Variants in THSD7B observed in about 807,000 individuals in gnomAD.
The protein encoded by THSD7B is thrombospondin type-1 domain-containing protein 7B.
Under a neutral mutation model 213.6 loss-of-function variants are expected in THSD7B, and 138 were observed. That is an observed-to-expected ratio of 0.65 (90% CI 0.56 to 0.74). THSD7B has a LOEUF of 0.74. THSD7B is among the 30% of genes least tolerant of loss of function. The probability of loss-of-function intolerance (pLI) is 0.00; values close to 1 mark genes in which losing one functional copy is unlikely to be tolerated. For synonymous variants in THSD7B, 742 were observed against 687.0 expected, an observed-to-expected ratio of 1.08 and a Z score of -1.25; for missense variants, 1,931 against 1,991.5, an observed-to-expected ratio of 0.97 and a Z score of 0.58.
intron 12 of THSD7B, among the ~76,000 whole-genome samples, chr2:137,300,206 C>T (rs995992806): frequency 3.3e-5 from 5 of 152,152 alleles, no homozygotes; most frequent in African/African-American, 1.2e-4. Flanking sequence ...TTCCTACTTA[C>T]CCTTGCCCTC....
intron 1 of THSD7B, among the ~76,000 whole-genome samples, chr2:136,825,899 A>G (rs1185694048): frequency 4.0e-5 from 6 of 151,762 alleles, no homozygotes; most frequent in African/African-American, 1.5e-4. Flanking sequence ...GGCCCACCTT[A>G]ATGATTATTA....
chr2:137,125,290 T>A (rs547518520), intron 5 of THSD7B, among the ~76,000 whole-genome samples: 1 of 152,320 alleles, frequency 6.6e-6, no homozygotes, highest in African/African-American at 2.4e-5. Flanking sequence ...TTGGAGTCAA[T>A]CCTCTCAAAC....
chr2:137,477,692 A>G (rs976606985), intron 15 of THSD7B, among the ~76,000 whole-genome samples: 2 of 151,988 alleles, frequency 1.3e-5, no homozygotes, highest in Non-Finnish European at 2.9e-5. Context: ...TGTATTCGCT[A>G]CACAATACAC....
chr2:136,807,566 G>T (rs761684729), intron 1 of THSD7B, among the ~76,000 whole-genome samples: 4 of 143,374 alleles, frequency 2.8e-5, no homozygotes, highest in African/African-American at 1.1e-4. Flanking sequence ...GAGTGCAGTG[G>T]CACAATCTTG....
intron 17 of THSD7B, among the ~76,000 whole-genome samples, chr2:137,578,232 A>AT (rs1233252031): frequency 6.6e-6 from 1 of 152,182 alleles, no homozygotes; most frequent in Non-Finnish European, 1.5e-5. Context: ...GGAAGTTGAA[A>AT]TTTGAGACAC....
intron 2 of THSD7B, among the ~76,000 whole-genome samples, chr2:136,927,117 C>T (rs2105041763): frequency 6.6e-6 from 1 of 151,782 alleles, no homozygotes; most frequent in South Asian, 2.1e-4. Flanking sequence ...TCTTCTATCA[C>T]ATACAATTTT....
At chr2:137,027,182 TTTTTAAG>T (rs1386756566) in intron 2 of THSD7B, among the ~76,000 whole-genome samples, 9 of 152,232 alleles carry the variant, frequency 5.9e-5, no homozygotes, top group African/African-American at 2.2e-4. Flanking sequence ...CACTTCTATA[TTTTTAAG>T]TATAGTGCTA....
At position 137,456,080 on chromosome 2, in the gene THSD7B, AT is replaced by A. The variant is rs1339095740; in HGVS notation, c.3138+5062del. ...TACTATTTAAATGCATTTTGAAATCATTTTTATTATGTTTGCAACTGAATGA... is the reference window on the plus strand; with the variant it reads ...TACTATTTAAATGCATTTTGAAATCATTTTATTATGTTTGCAACTGAATGA... On this transcript the variant is annotated intron_variant, in intron 15 of 27. Transcript: ENST00000409968. Among the ~76,000 whole-genome samples the A allele has an allele frequency of 2.0e-5, 3 of 152,302 alleles. No individual in the cohort carries two copies. The East Asian group carries it at 5.8e-4, about 29-fold the overall frequency.
chr2:137,587,558 A>G (rs1681763985), intron 17 of THSD7B, among the ~76,000 whole-genome samples: 1 of 152,216 alleles, frequency 6.6e-6, no homozygotes, highest in African/African-American at 2.4e-5. Flanking sequence ...TCTAACATTC[A>G]GGATCCTCAA....
At chr2:136,858,879 G>A (rs13425575) in intron 1 of THSD7B, among the ~76,000 whole-genome samples, 14,109 of 152,160 alleles carry the variant, frequency 0.093, 707 homozygotes, top group Middle Eastern at 0.23. Context: ...TCATCAAGTT[G>A]CTCCCGGCTT....
At chr2:136,866,954 C>T (rs1469369255) in intron 1 of THSD7B, among the ~76,000 whole-genome samples, 5 of 137,552 alleles carry the variant, frequency 3.6e-5, no homozygotes, top group South Asian at 2.3e-4. Context: ...CTTTTTTTTT[C>T]ATTAATTGTA....
intron 12 of THSD7B, among the ~76,000 whole-genome samples, chr2:137,360,958 C>A (rs1377574346): frequency 2.0e-5 from 3 of 152,180 alleles, no homozygotes; most frequent in African/African-American, 7.2e-5. Flanking sequence ...CCACTAGGGG[C>A]CGACTGATAC....
intron 12 of THSD7B, among the ~76,000 whole-genome samples, chr2:137,302,359 G>T (rs796494601): frequency 2.6e-5 from 4 of 152,256 alleles, no homozygotes; most frequent in African/African-American, 9.6e-5. Flanking sequence ...TGGACATCAA[G>T]AGAAGGAAAT....
At chr2:136,912,476 G>T (rs761401460) in intron 2 of THSD7B, among the ~76,000 whole-genome samples, 51 of 152,210 alleles carry the variant, frequency 3.4e-4, no homozygotes, top group African/African-American at 1.1e-3. Context: ...ACTCTGGGCA[G>T]TTGATTCAAG....
At chr2:136,916,923 G>T (rs554925790) in intron 2 of THSD7B, among the ~76,000 whole-genome samples, 2 of 152,056 alleles carry the variant, frequency 1.3e-5, no homozygotes, top group African/African-American at 4.8e-5. Flanking sequence ...TAGACCTCTG[G>T]ATCCTATTTC....
intron 2 of THSD7B, among the ~76,000 whole-genome samples, chr2:137,007,396 A>G (rs1212447990): frequency 6.6e-6 from 1 of 152,196 alleles, no homozygotes; most frequent in African/African-American, 2.4e-5. Context: ...TTTCCTGCAG[A>G]TTTGAATCAC....
intron 1 of THSD7B, among the ~76,000 whole-genome samples, chr2:136,862,235 C>T (rs1683267381): frequency 6.6e-6 from 1 of 152,282 alleles, no homozygotes; most frequent in East Asian, 1.9e-4. Flanking sequence ...ATAGTCTGTC[C>T]TGTGGCCTCC....
At chr2:137,404,460 TATATATATATATATACACAC>T (rs1187022588) in intron 12 of THSD7B, among the ~76,000 whole-genome samples, 31 of 102,318 alleles carry the variant, frequency 3.0e-4, no homozygotes, top group East Asian at 8.8e-4. Context: ...TATATATATA[TATATATATATATATACACAC>T]ACACACACAC....
chr2:137,192,040 G>T (rs540303510), intron 7 of THSD7B, among the ~76,000 whole-genome samples: 2 of 152,178 alleles, frequency 1.3e-5, no homozygotes, highest in African/African-American at 4.8e-5. Context: ...AGGATGAATT[G>T]TTGGAAGAGG....
Sources: allele counts gnomAD v4.1 joint callset (sites outside exome capture counted in the v4.1 genomes callset), GRCh38; gene constraint gnomAD v4.1.1; transcripts MANE v1.5; gene names NCBI Gene and HGNC (gene_info 2026-07-23, HGNC 2026-07-21).